SMARCD2: variants seen among roughly 807,000 people sequenced by gnomAD.
SMARCD2 encodes the protein SWI/SNF related BAF chromatin remodeling complex subunit D2, also known as SWI/SNF-related matrix-associated actin-dependent regulator of chromatin subfamily D member 2.
SMARCD2 carries 39 observed loss-of-function variants against 70.4 expected under a neutral mutation model. The observed-to-expected ratio is 0.55, with a 90% CI of 0.43 to 0.72. SMARCD2 has a LOEUF of 0.72. Ranked by LOEUF, SMARCD2 falls within the 30% of genes least tolerant of loss-of-function variation. The pLI, the probability that SMARCD2 is intolerant of heterozygous loss-of-function variation, is 0.00. For synonymous variants in SMARCD2, 249 were observed against 279.4 expected, an observed-to-expected ratio of 0.89 and a Z score of 1.08; for missense variants, 540 against 713.4, an observed-to-expected ratio of 0.76 and a Z score of 2.77.
intron 5 of SMARCD2, chr17:63,835,082 CT>C (rs2040248362): frequency 5.6e-6 from 3 of 534,592 alleles, no homozygotes; most frequent in South Asian, 2.5e-5. Flanking sequence ...CAGCGCCCCC[CT>C]CCCTATGGCA....
In SMARCD2 at chr17:63,834,032, G is replaced by T; in HGVS notation, c.1084-26C>A. The T allele has an allele frequency of 1.2e-6, 2 of 1,605,044 alleles. No individual in the cohort carries two copies. Among genetic ancestry groups the T allele is most frequent in the Non-Finnish European group, 1.7e-6 (2 of 1,171,816 alleles). On this transcript the variant is annotated intron_variant, in intron 8 of 12. Transcript: ENST00000448276. The surrounding 1 kb of genome is among the most constrained non-coding windows in gnomAD (Gnocchi z 5.6). ...CTGGAGGAAATACGAAAGGCTCAGCGTTGGCTTGTGGGCACAGTGGAGTGG... is the reference window on the plus strand; with the variant it reads ...CTGGAGGAAATACGAAAGGCTCAGCTTTGGCTTGTGGGCACAGTGGAGTGG...
At position 63,837,258 on chromosome 17, in the gene SMARCD2, C is replaced by T. The variant is rs757775297; in HGVS notation, c.402-21G>A. Reference sequence around the variant, plus strand: ...TTAACCTGGGGAGGACAGAAACCCACTTAAGAGGTCAATGGTCCAAAAAAG... The same window carrying T: ...TTAACCTGGGGAGGACAGAAACCCATTTAAGAGGTCAATGGTCCAAAAAAG... On this transcript the variant is annotated intron_variant, in intron 2 of 12. Coordinates refer to ENST00000448276, the MANE Select transcript of SMARCD2 (RefSeq NM_001098426.2). The surrounding 1 kb of genome is among the most constrained non-coding windows in gnomAD (Gnocchi z 6.4). 2 of 1,612,824 alleles carry T rather than the reference C, an allele frequency of 1.2e-6. No homozygotes were observed. The highest frequency in any genetic ancestry group is 2.7e-5 in the African/African-American group (2 of 74,862).
chr17:63,836,844 T>C (rs2040272072), intron 4 of SMARCD2, 78 bp downstream of exon 4: 2 of 1,486,932 alleles, frequency 1.3e-6, no homozygotes, highest in Non-Finnish European at 9.3e-7. Flanking sequence ...CTAGCCCAAC[T>C]TGCTTGGCCC....
chr17:63,839,394 G>A (rs1904352510), intron 1 of SMARCD2, among the ~76,000 whole-genome samples: 1 of 152,008 alleles, frequency 6.6e-6, no homozygotes, highest in African/African-American at 2.4e-5. Flanking sequence ...CCCAAGACAA[G>A]GCCTCATAGG....
chr17:63,832,446 C>A lies in SMARCD2; in HGVS notation c.*492G>T. 1 of 205,526 alleles carries A rather than the reference C, an allele frequency of 4.9e-6. No individual in the cohort carries two copies. Among genetic ancestry groups the A allele is most frequent in the Non-Finnish European group, 9.9e-6 (1 of 101,060 alleles). 12.7% of individuals were successfully genotyped at this position (205,526 alleles called of 1,614,324 possible). A position where few individuals can be genotyped will look rare whatever the true frequency, so the allele number is the denominator to read the frequency against. On this transcript the variant is annotated 3_prime_UTR_variant, in exon 13 of 13. Coordinates refer to ENST00000448276, the MANE Select transcript of SMARCD2 (RefSeq NM_001098426.2). ...TGGCTCCCACATAGAAAACTTGCTC[C>A]CAAAATAGTGCAAATACCCAAAGGA... is the stretch of plus-strand genomic sequence containing the variant.
At chr17:63,836,780 A>C (rs539615380) in intron 4 of SMARCD2, 142 bp downstream of exon 4, 10 of 716,650 alleles carry the variant, frequency 1.4e-5, no homozygotes, top group Non-Finnish European at 1.9e-5. Flanking sequence ...CAACACATTC[A>C]ACTGAGTTCG....
At position 63,837,500 on chromosome 17, in the gene SMARCD2, T is replaced by C. The variant is rs1162508392; in HGVS notation, c.342A>G (p.Pro114=). ...RPGMPPTMMD[P]FRKRLLVPQA... Reference sequence around the variant, plus strand: ...GGGGCACAAGCAGGCGTTTTCGGAATGGATCCATCATGGTGGGTGGCATGC... The same window carrying C: ...GGGGCACAAGCAGGCGTTTTCGGAACGGATCCATCATGGTGGGTGGCATGC... Residue 114 remains proline, a synonymous_variant, in exon 2 of 13, where the codon CCA becomes CCG. Coordinates refer to ENST00000448276, the MANE Select transcript of SMARCD2 (RefSeq NM_001098426.2). The surrounding 1 kb of genome is among the most constrained non-coding windows in gnomAD (Gnocchi z 6.4). 13 of 1,598,242 alleles carry C rather than the reference T, an allele frequency of 8.1e-6. No individual in the cohort carries two copies. The highest frequency in any genetic ancestry group is 1.7e-4 in the Middle Eastern group (1 of 6,004).
chr17:63,837,399 A>G lies in SMARCD2; in HGVS notation c.401+42T>C, dbSNP rs2040279158. On this transcript the variant is annotated intron_variant, in intron 2 of 12. Transcript: ENST00000448276. The surrounding 1 kb of genome is among the most constrained non-coding windows in gnomAD (Gnocchi z 6.4). The stretch of plus-strand genomic sequence containing the variant: ...TAGAAGGAAACCCTCTGCTACCACC[A>G]GAGCTGAGTTAGGCAGAGTGAGAGA... 6.4e-7 allele frequency: 1 copy of G among 1,565,712 alleles called. No homozygotes were observed. Among genetic ancestry groups the G allele is most frequent in the Non-Finnish European group, 8.7e-7 (1 of 1,146,664 alleles).
rs747801830 is a variant in SMARCD2, at chr17:63,838,581, C to A, written c.217-956G>T. The A allele has an allele frequency of 4.9e-6, 7 of 1,442,188 alleles. No homozygotes were observed. The South Asian group carries it at 1.0e-4, about 21-fold the overall frequency. The allele number at this position is 1,442,188 out of a possible 1,614,324, so 89.3% of individuals were successfully genotyped here. On this transcript the variant is annotated intron_variant, in intron 1 of 12. Transcript: ENST00000448276. Reference sequence around the variant, plus strand: ...GGAAAGTGGGAGACAGAAATAGCTTCTTTAGATGCCTGCAGAAGGATTTCC... The same window carrying A: ...GGAAAGTGGGAGACAGAAATAGCTTATTTAGATGCCTGCAGAAGGATTTCC...
At position 63,842,534 on chromosome 17, in the gene SMARCD2, C is replaced by A; in HGVS notation, c.141G>T (p.Pro47=). The change falls in exon 1 of 13, where the codon CCG becomes CCT. Residue 47 remains proline (P), a synonymous_variant. Coordinates refer to ENST00000448276, the MANE Select transcript of SMARCD2 (RefSeq NM_001098426.2). ...LPGPALRGPG[P]AGGVGGPGAA... is the part of the protein sequence containing the mutation. ...CCCCGGGGCCCCCCACGCCTCCTGC[C>A]GGACCCGGTCCCCGGAGCGCCGGTC... The A allele has an allele frequency of 8.3e-7, 1 of 1,211,248 alleles. No individual in the cohort carries two copies. The highest frequency in any genetic ancestry group is 1.0e-6 in the Non-Finnish European group (1 of 975,562). The allele number at this position is 1,211,248 out of a possible 1,614,324, so 75.0% of individuals were successfully genotyped here. A position where few individuals can be genotyped will look rare whatever the true frequency, so the allele number is the denominator to read the frequency against.
Position 63,842,559 on chromosome 17 carries a change from C to T in SMARCD2, c.116G>A (p.Gly39Glu), listed in dbSNP as rs1222626467. The change falls in exon 1 of 13, where the codon GGA becomes GAA. Residue 39 changes from glycine to glutamate, a missense_variant. Physicochemically the swap from Gly to Glu is moderately conservative, Grantham distance 98. Transcript: ENST00000448276. ...PPPAGPGMLP[G>E]PALRGPGPAG... The stretch of plus-strand genomic sequence containing the variant: ...CGGACCCGGTCCCCGGAGCGCCGGT[C>T]CGGGCAGCATGCCGGGTCCCGCGGG... 8.3e-7 allele frequency: 1 copy of T among 1,205,820 alleles called. No individual in the cohort carries two copies. The allele number at this position is 1,205,820 out of a possible 1,614,324, so 74.7% of individuals were successfully genotyped here. A position where few individuals can be genotyped will look rare whatever the true frequency, so the allele number is the denominator to read the frequency against.
At position 63,832,964 on chromosome 17, in the gene SMARCD2, G is replaced by T. The variant is rs1321036594; in HGVS notation, c.1570C>A (p.Gln524Lys). The T allele has an allele frequency of 6.3e-7, 1 of 1,578,812 alleles. No individual in the cohort carries two copies. The highest frequency in any genetic ancestry group is 2.3e-5 in the East Asian group (1 of 42,928). ...TAGGTCAGGCGAATTCCCAGCACCT[G>T]TTCCAGTTCCTGCCTTCGCTGCTGC... ...KVQQRRQELE[Q>K]VLGIRLT Residue 524 changes from glutamine to lysine, a missense_variant, in exon 13 of 13, where the codon CAG becomes AAG. Gln to Lys is a moderately conservative substitution (Grantham distance 53). Coordinates refer to ENST00000448276, the MANE Select transcript of SMARCD2 (RefSeq NM_001098426.2).
At position 63,833,453 on chromosome 17, in the gene SMARCD2, C is replaced by G; in HGVS notation, c.1318-33G>C. 6.2e-7 allele frequency: 1 copy of G among 1,612,488 alleles called. No individual in the cohort carries two copies. The highest frequency in any genetic ancestry group is 8.5e-7 in the Non-Finnish European group (1 of 1,178,920). ...GGGTACCTGTGTCAGACTGTGCCCC[C>G]AAAGCTTACATGCAAGCAACTGAGC... On this transcript the variant is annotated intron_variant, in intron 10 of 12. Coordinates refer to ENST00000448276, the MANE Select transcript of SMARCD2 (RefSeq NM_001098426.2). This position sits in a 1 kb window ranked among gnomAD's most constrained non-coding sequence, Gnocchi z 4.3.
At position 63,834,362 on chromosome 17, in the gene SMARCD2, C is replaced by G; in HGVS notation, c.922-34G>C. 6 of 1,600,536 alleles carry G rather than the reference C, an allele frequency of 3.7e-6. No homozygotes were observed. Among genetic ancestry groups the G allele is most frequent in the Non-Finnish European group, 5.1e-6 (6 of 1,169,720 alleles). ...GGATGGAGGGGAGTCAGAACGGGTT[C>G]TTATAGTAGAACAGTGGGAAAATAG... On this transcript the variant is annotated intron_variant, in intron 7 of 12. Transcript: ENST00000448276. This position sits in a 1 kb window ranked among gnomAD's most constrained non-coding sequence, Gnocchi z 5.6.
Position 63,833,050 on chromosome 17 carries a change from A to C in SMARCD2, c.1542+19T>G. On this transcript the variant is annotated intron_variant, in intron 12 of 12. Coordinates refer to ENST00000448276, the MANE Select transcript of SMARCD2 (RefSeq NM_001098426.2). This position sits in a 1 kb window ranked among gnomAD's most constrained non-coding sequence, Gnocchi z 4.3. ...TTGCTACTCACGGCCAAAGGAGGGA[A>C]AACAGGGCAGAGCCTCACCTTGGCA... 1 of 1,588,320 alleles carries C rather than the reference A, an allele frequency of 6.3e-7. No homozygotes were observed. The highest frequency in any genetic ancestry group is 8.6e-7 in the Non-Finnish European group (1 of 1,167,966).
Position 63,832,834 on chromosome 17 carries a change from A to C in SMARCD2, c.*104T>G. On this transcript the variant is annotated 3_prime_UTR_variant, in exon 13 of 13. Coordinates refer to ENST00000448276, the MANE Select transcript of SMARCD2 (RefSeq NM_001098426.2). The stretch of plus-strand genomic sequence containing the variant: ...CTAAAGCTGGAGAGTAGAGGGTGAC[A>C]GCAGACACTCCTCACCCCAGCCTAC... 7.8e-6 allele frequency: 7 copies of C among 900,436 alleles called. No individual in the cohort carries two copies. The South Asian group carries it at 9.9e-5, about 13-fold the overall frequency. 55.8% of individuals were successfully genotyped at this position (900,436 alleles called of 1,614,324 possible).
rs1279225107 is a variant in SMARCD2, at chr17:63,842,660, G to C, written c.15C>G (p.Gly5=). Reference sequence around the variant, plus strand: ...GCGGGGGCAGCGGGAACCCGCCCGCGCCTCGGCCCGACATCGCTCCGTCCC... The same window carrying C: ...GCGGGGGCAGCGGGAACCCGCCCGCCCCTCGGCCCGACATCGCTCCGTCCC... The part of the protein sequence containing the change: MSGR[G]AGGFPLPPLS... Residue 5 remains glycine, a synonymous_variant, in exon 1 of 13, where the codon GGC becomes GGG. Transcript: ENST00000448276. The C allele has an allele frequency of 7.8e-7, 1 of 1,288,802 alleles. No individual in the cohort carries two copies. Among genetic ancestry groups the C allele is most frequent in the Admixed American group, 3.8e-5 (1 of 26,394 alleles). 79.8% of individuals were successfully genotyped at this position (1,288,802 alleles called of 1,614,324 possible).
chr17:63,834,621 A>G lies in SMARCD2; in HGVS notation c.820-46T>C. ...GCTTATCACCAAGGGGGTGGGCGTG[A>G]ACACAGGGCCTCCCAAGGGCCCTGA... On this transcript the variant is annotated intron_variant, in intron 6 of 12. Coordinates refer to ENST00000448276, the MANE Select transcript of SMARCD2 (RefSeq NM_001098426.2). This position sits in a 1 kb window ranked among gnomAD's most constrained non-coding sequence, Gnocchi z 5.6. 1.9e-6 allele frequency: 3 copies of G among 1,569,706 alleles called. No homozygotes were observed. The highest frequency in any genetic ancestry group is 2.6e-6 in the Non-Finnish European group (3 of 1,141,948).
chr17:63,838,647 C>A, intron 1 of SMARCD2: 1 of 1,493,454 alleles, frequency 6.7e-7, no homozygotes. Context: ...TGGAGCCCAT[C>A]TGGGAGTCAC....
Sources: gnomAD v4.1 joint callset for allele counts (sites outside exome capture counted in the v4.1 genomes callset) on GRCh38, gnomAD v4.1.1 for gene constraint, Gnocchi (gnomAD v3.1) non-coding constraint, MANE v1.5 for transcripts, NCBI Gene and HGNC (gene_info 2026-07-23, HGNC 2026-07-21) for gene names.